MTHFD1L: variants seen among roughly 807,000 people sequenced by gnomAD.
MTHFD1L encodes the protein methylenetetrahydrofolate dehydrogenase (NADP+ dependent) 1 like.
In MTHFD1L, 81 loss-of-function variants were observed where a neutral mutation model predicts 119.5. That is an observed-to-expected ratio of 0.68 (90% CI 0.57 to 0.82). The LOEUF (loss-of-function observed/expected upper bound fraction) is 0.82. MTHFD1L is among the 40% of genes least tolerant of loss of function. The pLI is 0.00. For missense variants in MTHFD1L, 1,125 were observed against 1,253.4 expected, an observed-to-expected ratio of 0.90 and a Z score of 1.55; for synonymous variants, 430 against 475.2, an observed-to-expected ratio of 0.90 and a Z score of 1.24.
At chr6:151,093,237 C>G (rs948055867) in intron 27 of MTHFD1L, among the ~76,000 whole-genome samples, 3 of 152,174 alleles carry the variant, frequency 2.0e-5, no homozygotes, top group African/African-American at 7.2e-5. Flanking sequence ...CTGCGTCACT[C>G]CCGTCTCAGC....
At chr6:150,913,361 T>G (rs558117406) in intron 8 of MTHFD1L, among the ~76,000 whole-genome samples, 1 of 152,032 alleles carries the variant, frequency 6.6e-6, no homozygotes, top group South Asian at 2.1e-4. Flanking sequence ...GAGACGGGGT[T>G]TCACCGTGTT....
At chr6:150,946,383 C>T (rs1793945659) in intron 15 of MTHFD1L, among the ~76,000 whole-genome samples, 2 of 152,242 alleles carry the variant, frequency 1.3e-5, no homozygotes, top group African/African-American at 4.8e-5. Flanking sequence ...CGCCTGACCT[C>T]AAGTGATCCA....
chr6:150,938,907 C>G (rs1393185656), intron 13 of MTHFD1L, among the ~76,000 whole-genome samples, 162 bp downstream of exon 13: 2 of 152,066 alleles, frequency 1.3e-5, no homozygotes, highest in African/African-American at 2.4e-5. Context: ...AGTGACAAAC[C>G]CTAGTATTTA....
At chr6:151,068,089 C>G (rs1791531100) in intron 26 of MTHFD1L, among the ~76,000 whole-genome samples, 1 of 152,252 alleles carries the variant, frequency 6.6e-6, no homozygotes, top group East Asian at 1.9e-4. Flanking sequence ...TAACACAATT[C>G]TGATTCACGC....
intron 26 of MTHFD1L, among the ~76,000 whole-genome samples, chr6:151,041,024 C>CCTCAGCCGAGGGCTCAGAA (rs1259364240): frequency 5.9e-5 from 9 of 152,316 alleles, no homozygotes; most frequent in South Asian, 2.1e-4. Flanking sequence ...TCTTCTCAGC[C>CCTCAGCCGAGGGCTCAGAA]CTCAGCCGAG....
intron 10 of MTHFD1L, among the ~76,000 whole-genome samples, chr6:150,923,111 C>T (rs1007907303): frequency 6.6e-6 from 1 of 152,076 alleles, no homozygotes; most frequent in Admixed American, 6.6e-5. Context: ...GATAAAGGAC[C>T]GTCCAAACCA....
chr6:150,986,821 C>T (rs745916711), intron 20 of MTHFD1L, among the ~76,000 whole-genome samples: 2 of 152,170 alleles, frequency 1.3e-5, no homozygotes, highest in East Asian at 3.9e-4. Flanking sequence ...TCTCCTGTTT[C>T]AGCCTCCCAA....
chr6:150,866,118 C>A, intron 1 of MTHFD1L, 69 bp downstream of exon 1: 1 of 1,455,960 alleles, frequency 6.9e-7, no homozygotes, highest in Admixed American at 2.5e-5. Flanking sequence ...GCGGAGCGCC[C>A]GGGACCGCCG....
chr6:150,910,987 T>C (rs1417223726), intron 8 of MTHFD1L, among the ~76,000 whole-genome samples: 1 of 152,242 alleles, frequency 6.6e-6, no homozygotes, highest in Non-Finnish European at 1.5e-5. Flanking sequence ...TCTTTGCTTG[T>C]GACTCTTGAA....
intron 20 of MTHFD1L, among the ~76,000 whole-genome samples, chr6:150,973,476 G>T (rs1282812494): frequency 6.6e-6 from 1 of 152,188 alleles, no homozygotes. Context: ...TAATGGACGA[G>T]GAGGCTGGGT....
intron 5 of MTHFD1L, among the ~76,000 whole-genome samples, chr6:150,883,576 C>T (rs945331858): frequency 3.9e-5 from 6 of 152,028 alleles, no homozygotes; most frequent in African/African-American, 1.2e-4. Context: ...TGTCTTAGTC[C>T]CAGGCCAGTT....
intron 26 of MTHFD1L, among the ~76,000 whole-genome samples, chr6:151,068,855 A>G (rs1179348557): frequency 3.3e-5 from 5 of 152,294 alleles, no homozygotes. Context: ...ACTCATCAAT[A>G]TCCCTAAAAA....
intron 26 of MTHFD1L, among the ~76,000 whole-genome samples, chr6:151,047,864 G>T (rs1788340665): frequency 6.6e-6 from 1 of 152,164 alleles, no homozygotes; most frequent in South Asian, 2.1e-4. Flanking sequence ...AAGAAAAGAG[G>T]TTTAATTGAC....
chr6:150,898,969 G>C (rs562602348), intron 7 of MTHFD1L: 1 of 1,051,834 alleles, frequency 9.5e-7, no homozygotes, highest in South Asian at 3.1e-5. Flanking sequence ...AATTATTTTT[G>C]ATGAGTCATT....
chr6:150,944,611 C>A lies in MTHFD1L; in HGVS notation c.1548+18C>A. The A allele has an allele frequency of 1.9e-6, 3 of 1,583,208 alleles. No homozygotes were observed. The highest frequency in any genetic ancestry group is 1.7e-4 in the Middle Eastern group (1 of 6,018). ...CAGATAAGGTGAGAAGGATGCCTTG[C>A]TAGCCATTTTGGGTATTGTATCCTG... On this transcript the variant is annotated intron_variant, in intron 14 of 27. Transcript: ENST00000367321.
intron 11 of MTHFD1L, among the ~76,000 whole-genome samples, chr6:150,932,247 G>A (rs1791185758): frequency 6.6e-6 from 1 of 151,156 alleles, no homozygotes; most frequent in South Asian, 2.1e-4. Context: ...ATGTGATAGC[G>A]GTGCAAAGAG....
intron 26 of MTHFD1L, among the ~76,000 whole-genome samples, chr6:151,073,387 C>A (rs76900498): frequency 0.042 from 6,409 of 152,272 alleles, 190 homozygotes; most frequent in Middle Eastern, 0.078. Flanking sequence ...AGAGTGAAAA[C>A]CTCTGAATGC....
intron 5 of MTHFD1L, among the ~76,000 whole-genome samples, chr6:150,885,032 A>G (rs968445084): frequency 1.8e-4 from 28 of 152,024 alleles, no homozygotes; most frequent in African/African-American, 6.5e-4. Flanking sequence ...TGGAGTTGCG[A>G]AGTGAAGCCC....
intron 26 of MTHFD1L, among the ~76,000 whole-genome samples, chr6:151,043,643 C>G (rs539595501): frequency 1.2e-4 from 19 of 152,286 alleles, no homozygotes; most frequent in African/African-American, 4.6e-4. Flanking sequence ...ATGTATTTGA[C>G]TGTTTTCCAT....
Sources: gnomAD v4.1 joint callset for allele counts (sites outside exome capture counted in the v4.1 genomes callset) on GRCh38, gnomAD v4.1.1 for gene constraint, MANE v1.5 for transcripts, NCBI Gene and HGNC (gene_info 2026-07-23, HGNC 2026-07-21) for gene names.